The following PARD3 variants were observed in gnomAD, a reference collection of about 807,000 sequenced individuals.
The protein encoded by PARD3 is par-3 family cell polarity regulator.
In PARD3, 75 loss-of-function variants were observed where a neutral mutation model predicts 155.4. The observed-to-expected ratio is 0.48, with a 90% CI of 0.40 to 0.58. The LOEUF is 0.58. Ranked by LOEUF, PARD3 falls within the 20% of genes least tolerant of loss-of-function variation. The pLI, the probability that PARD3 is intolerant of heterozygous loss-of-function variation, is 0.00. For missense variants in PARD3, 1,642 were observed against 1,721.7 expected (o/e 0.95, Z 0.82); for synonymous variants, 576 against 610.5 (o/e 0.94, Z 0.83).
At chr10:34,556,022 G>C (rs910852253) in intron 2 of PARD3, among the ~76,000 whole-genome samples, 4 of 152,148 alleles carry the variant, frequency 2.6e-5, no homozygotes, top group African/African-American at 9.7e-5. Context: ...AGAAAACTTA[G>C]CAACACTAGT....
intron 5 of PARD3, among the ~76,000 whole-genome samples, chr10:34,424,681 A>G (rs2075501431): frequency 6.6e-6 from 1 of 151,784 alleles, no homozygotes; most frequent in Admixed American, 6.6e-5. Context: ...CGCCGGACTA[A>G]TTTTTGTATT....
chr10:34,511,511 A>C (rs2081398101), intron 3 of PARD3, among the ~76,000 whole-genome samples: 1 of 152,176 alleles, frequency 6.6e-6, no homozygotes. Context: ...ACATGTAGGA[A>C]GGTGGAAGGG....
At chr10:34,398,121 C>G (rs956153328) in intron 7 of PARD3, among the ~76,000 whole-genome samples, 5 of 152,012 alleles carry the variant, frequency 3.3e-5, no homozygotes, top group African/African-American at 1.2e-4. Context: ...AATGTTATAC[C>G]TTGTTATGTA....
chr10:34,750,030 T>TACACACACAC (rs71984849), intron 1 of PARD3, among the ~76,000 whole-genome samples: 87 of 140,688 alleles, frequency 6.2e-4, no homozygotes, highest in African/African-American at 1.7e-3. Flanking sequence ...TCAAAAAAAG[T>TACACACACAC]ACACACACAC....
intron 3 of PARD3, among the ~76,000 whole-genome samples, chr10:34,511,124 T>G (rs1041205492): frequency 1.3e-5 from 2 of 152,236 alleles, no homozygotes; most frequent in Non-Finnish European, 2.9e-5. Flanking sequence ...GCCATTTGTC[T>G]TACACAGTTT....
intron 9 of PARD3, among the ~76,000 whole-genome samples, chr10:34,381,870 A>G (rs1443094273): frequency 7.1e-6 from 1 of 139,900 alleles, no homozygotes; most frequent in Non-Finnish European, 1.5e-5. Flanking sequence ...CTATGACTGC[A>G]CCACTGCACT....
chr10:34,539,148 T>C (rs902784587), intron 2 of PARD3, among the ~76,000 whole-genome samples: 1 of 152,130 alleles, frequency 6.6e-6, no homozygotes, highest in African/African-American at 2.4e-5. Flanking sequence ...TGACACATAT[T>C]CCATATTACC....
At chr10:34,312,344 TTTG>T (rs1006564012) in intron 20 of PARD3, 1 of 1,612,394 alleles carries the variant, frequency 6.2e-7, no homozygotes, top group Non-Finnish European at 8.5e-7. Context: ...TTTGAATCGC[TTTG>T]TTGTTCATCT....
Position 34,269,797 on chromosome 10 carries a change from T to G in PARD3, c.3279A>C (p.Leu1093Phe). The G allele has an allele frequency of 6.2e-7, 1 of 1,613,986 alleles. No individual in the cohort carries two copies. The highest frequency in any genetic ancestry group is 8.5e-7 in the Non-Finnish European group (1 of 1,179,950). ...FHRTFGCDDELMYGGVSSYEG... is the reference protein window; with the variant it reads ...FHRTFGCDDEFMYGGVSSYEG... ...CATAAGAAGAAACTCCCCCATACAT[T>G]AACTCATCATCACAGCCAAATGTCC... Residue 1093 changes from leucine (L) to phenylalanine (F), a missense_variant, in exon 22 of 25, where the codon TTA (leucine) becomes TTC (phenylalanine). By Grantham distance (22) the Leu-to-Phe change is conservative (BLOSUM62 0). Coordinates refer to ENST00000374788, the MANE Select transcript of PARD3 (RefSeq NM_001184785.2).
intron 21 of PARD3, among the ~76,000 whole-genome samples, chr10:34,279,258 T>A (rs192796322): frequency 4.6e-5 from 7 of 150,980 alleles, no homozygotes; most frequent in Admixed American, 1.3e-4. Context: ...GAAGTGATGC[T>A]CTTGCTAAAG....
chr10:34,334,433 T>C (rs1236541655), intron 18 of PARD3, among the ~76,000 whole-genome samples: 1 of 151,560 alleles, frequency 6.6e-6, no homozygotes, highest in African/African-American at 2.4e-5. Flanking sequence ...GAAAGGCTTA[T>C]GGCTAGGCTA....
chr10:34,209,115 G>T (rs890171810), intron 22 of PARD3, among the ~76,000 whole-genome samples: 1 of 152,164 alleles, frequency 6.6e-6, no homozygotes, highest in African/African-American at 2.4e-5. Flanking sequence ...GAGGGAAAAA[G>T]ATGACTTCAG....
chr10:34,259,101 A>T (rs904368144), intron 22 of PARD3, among the ~76,000 whole-genome samples: 2 of 152,034 alleles, frequency 1.3e-5, no homozygotes, highest in Non-Finnish European at 2.9e-5. Flanking sequence ...GGAAGGGGAA[A>T]GCAGTGCCAC....
At chr10:34,359,492 A>G (rs948896026) in intron 13 of PARD3, among the ~76,000 whole-genome samples, 175 bp from the exon 14 acceptor site, 1 of 152,156 alleles carries the variant, frequency 6.6e-6, no homozygotes, top group African/African-American at 2.4e-5. Flanking sequence ...CTAAGCAGCT[A>G]TTGTAGCCTG....
At chr10:34,471,725 G>C (rs1017895900) in intron 3 of PARD3, among the ~76,000 whole-genome samples, 1 of 152,034 alleles carries the variant, frequency 6.6e-6, no homozygotes. Flanking sequence ...TGATAAGCTA[G>C]TTTTTGTGTT....
intron 5 of PARD3, among the ~76,000 whole-genome samples, chr10:34,435,697 T>A (rs1317259539): frequency 6.6e-6 from 1 of 152,212 alleles, no homozygotes; most frequent in Non-Finnish European, 1.5e-5. Context: ...ATATTTCACA[T>A]AGGTGGCTTC....
chr10:34,499,712 A>G (rs1227972243), intron 3 of PARD3, among the ~76,000 whole-genome samples: 1 of 152,114 alleles, frequency 6.6e-6, no homozygotes, highest in East Asian at 1.9e-4. Context: ...CTCTAAGCCA[A>G]CTCTGCCCAA....
chr10:34,685,620 G>C (rs1198987233), intron 2 of PARD3, among the ~76,000 whole-genome samples: 1 of 148,642 alleles, frequency 6.7e-6, no homozygotes, highest in African/African-American at 2.5e-5. Context: ...TGGAGACGGA[G>C]TCTCACTTTG....
At chr10:34,220,249 C>T (rs1428347641) in intron 22 of PARD3, among the ~76,000 whole-genome samples, 1 of 152,100 alleles carries the variant, frequency 6.6e-6, no homozygotes, top group Non-Finnish European at 1.5e-5. Context: ...TATTCAACCA[C>T]AAGGGAACCA....
Sources: gnomAD v4.1 joint callset for allele counts (sites outside exome capture counted in the v4.1 genomes callset) on GRCh38, gnomAD v4.1.1 for gene constraint, MANE v1.5 for transcripts, NCBI Gene and HGNC (gene_info 2026-07-23, HGNC 2026-07-21) for gene names.